The following FBXW7 variants were observed in gnomAD, a reference collection of about 807,000 sequenced individuals.
FBXW7 encodes the protein F-box and WD repeat domain containing 7, also known as F-box/WD repeat-containing protein 7.
FBXW7 carries 11 observed loss-of-function variants against 86.3 expected under a neutral mutation model. The ratio of observed to expected loss-of-function variants is 0.13; its 90% CI spans 0.08 to 0.21. The LOEUF (loss-of-function observed/expected upper bound fraction) is 0.21. FBXW7 is among the 10% of genes least tolerant of loss of function. FBXW7 has a pLI of 1.00. For missense variants in FBXW7, 488 were observed against 847.4 expected, an observed-to-expected ratio of 0.58 and a Z score of 5.27; for synonymous variants, 313 against 297.9, an observed-to-expected ratio of 1.05 and a Z score of -0.52.
intron 4 of FBXW7, among the ~76,000 whole-genome samples, chr4:152,406,219 C>T (rs182443862): frequency 2.0e-5 from 3 of 152,254 alleles, no homozygotes; most frequent in Admixed American, 1.3e-4. Flanking sequence ...AAGAACTAAT[C>T]AATGGAATGC....
intron 2 of FBXW7, among the ~76,000 whole-genome samples, chr4:152,473,425 T>C (rs1214556465): frequency 6.6e-6 from 1 of 152,224 alleles, no homozygotes; most frequent in African/African-American, 2.4e-5. Context: ...TACTCGGCCC[T>C]GTTGCTTAGA....
Position 152,356,566 on chromosome 4 carries a change from C to G in FBXW7, c.502-6442G>C, listed in dbSNP as rs536210408. Among the ~76,000 whole-genome samples, 20 of 152,200 alleles carry G rather than the reference C, an allele frequency of 1.3e-4. No individual in the cohort carries two copies. In the South Asian group the frequency reaches 1.7e-3, roughly 13 times the overall value. On this transcript the variant is annotated intron_variant, in intron 4 of 13. Coordinates refer to ENST00000281708, the MANE Select transcript of FBXW7 (RefSeq NM_001349798.2). ...AAACCACCACAGTTAGCTGTCTTGC[C>G]CTGAGCACAGAATTTAGATTACAGA...
At chr4:152,323,629 CT>C (rs751400863) in intron 13 of FBXW7, 81 of 175,250 alleles carry the variant, frequency 4.6e-4, no homozygotes, top group Middle Eastern at 2.8e-3. Context: ...GAAAAAAACA[CT>C]TTCTAAGGGC....
chr4:152,494,899 T>A (rs936176224), intron 2 of FBXW7, among the ~76,000 whole-genome samples: 1 of 152,208 alleles, frequency 6.6e-6, no homozygotes, highest in African/African-American at 2.4e-5. Flanking sequence ...CTAATATTGA[T>A]GAAGAAACAA....
chr4:152,414,762 G>C (rs1738279084), intron 2 of FBXW7, among the ~76,000 whole-genome samples: 2 of 152,018 alleles, frequency 1.3e-5, no homozygotes, highest in Admixed American at 1.3e-4. Flanking sequence ...GTCCAGAGAG[G>C]TCCTGACCTA....
intron 7 of FBXW7, among the ~76,000 whole-genome samples, chr4:152,333,245 C>T (rs1354232759): frequency 1.3e-5 from 2 of 152,006 alleles, no homozygotes; most frequent in African/African-American, 4.8e-5. Flanking sequence ...ACATCCTTGA[C>T]TGTAAATGAC....
At chr4:152,458,509 T>A (rs545837304) in intron 2 of FBXW7, among the ~76,000 whole-genome samples, 1 of 152,344 alleles carries the variant, frequency 6.6e-6, no homozygotes, top group South Asian at 2.1e-4. Context: ...ATATACATCA[T>A]CCAGCATTAT....
At chr4:152,490,257 G>A (rs1198355269) in intron 2 of FBXW7, among the ~76,000 whole-genome samples, 1 of 152,014 alleles carries the variant, frequency 6.6e-6, no homozygotes, top group Non-Finnish European at 1.5e-5. Context: ...GAGATGGATG[G>A]TTGCAAAATA....
chr4:152,530,766 C>T (rs1433201625), intron 2 of FBXW7: 1 of 152,144 alleles, frequency 6.6e-6, no homozygotes, highest in African/African-American at 2.4e-5. Context: ...TTGTCTATAC[C>T]AGGAGTCCAA....
chr4:152,371,711 C>T (rs1018089295), intron 4 of FBXW7, among the ~76,000 whole-genome samples: 3 of 151,902 alleles, frequency 2.0e-5, no homozygotes, highest in Admixed American at 6.6e-5. Context: ...TTCTCAGGAC[C>T]GCTAAAATGT....
chr4:152,377,135 GTA>G (rs1302651013), intron 4 of FBXW7, among the ~76,000 whole-genome samples: 1 of 151,966 alleles, frequency 6.6e-6, no homozygotes, highest in Non-Finnish European at 1.5e-5. Flanking sequence ...GAAAAAAAAT[GTA>G]TATGTTACAA....
chr4:152,382,112 A>G lies in FBXW7; in HGVS notation c.501+29191T>C, dbSNP rs572037283. ...AATTTTAAATAAAAACTGAAATTTG[A>G]GGCATCTTTTCACTAAAAGAGGCCA... On this transcript the variant is annotated intron_variant, in intron 4 of 13. Transcript: ENST00000281708. 28 of 981,162 alleles carry G rather than the reference A, an allele frequency of 2.9e-5. No homozygotes were observed. In the African/African-American group the frequency reaches 4.5e-4, roughly 16 times the overall value. The allele number at this position is 981,162 out of a possible 1,614,324, so 60.8% of individuals were successfully genotyped here. A position where few individuals can be genotyped will look rare whatever the true frequency, so the allele number is the denominator to read the frequency against.
rs1449046412 is a variant in FBXW7 at position 152,328,318 on chromosome 4, A to G, written c.1308T>C (p.Ser436=). The change falls in exon 11 of 14, where the codon AGT becomes AGC. Residue 436 remains serine, a synonymous_variant. Coordinates refer to ENST00000281708, the MANE Select transcript of FBXW7 (RefSeq NM_001349798.2). ...CTTTGAGTGTCCGATCTGTAGATCC[A>G]CTAATGATGATGTTGTCTCTCATTT... is the stretch of plus-strand genomic sequence containing the variant. The part of the protein sequence containing the change: ...SSQMRDNIII[S]GSTDRTLKVW... 4 of 1,596,190 alleles carry G rather than the reference A, an allele frequency of 2.5e-6. No individual in the cohort carries two copies. Among genetic ancestry groups the G allele is most frequent in the Admixed American group, 1.8e-5 (1 of 56,956 alleles).
At chr4:152,397,456 C>T (rs1051591107) in intron 4 of FBXW7, among the ~76,000 whole-genome samples, 2 of 151,626 alleles carry the variant, frequency 1.3e-5, no homozygotes, top group African/African-American at 4.8e-5. Flanking sequence ...ACTCTGTCAC[C>T]GAGGCTAGAG....
intron 4 of FBXW7, among the ~76,000 whole-genome samples, chr4:152,383,890 A>G (rs1413331364): frequency 6.6e-6 from 1 of 152,184 alleles, no homozygotes; most frequent in Non-Finnish European, 1.5e-5. Flanking sequence ...GATTTCTCCA[A>G]AGATATGTAA....
At chr4:152,524,853 G>A (rs1392971272) in intron 2 of FBXW7, among the ~76,000 whole-genome samples, 1 of 152,122 alleles carries the variant, frequency 6.6e-6, no homozygotes, top group Non-Finnish European at 1.5e-5. Context: ...ATAACACTCA[G>A]TAGAAAAAGG....
At chr4:152,495,337 A>T (rs1363370463) in intron 2 of FBXW7, among the ~76,000 whole-genome samples, 1 of 152,148 alleles carries the variant, frequency 6.6e-6, no homozygotes, top group East Asian at 1.9e-4. Flanking sequence ...ACTACTCAGG[A>T]GGCTGAGGCA....
intron 4 of FBXW7, among the ~76,000 whole-genome samples, chr4:152,362,494 C>G (rs959903304): frequency 1.3e-5 from 2 of 151,978 alleles, no homozygotes; most frequent in Non-Finnish European, 2.9e-5. Context: ...GTCATTCCAA[C>G]AACAGACAAC....
chr4:152,322,908 C>T lies in FBXW7; in HGVS notation c.2097G>A (p.Val699=), dbSNP rs753841251. 1.8e-5 allele frequency: 29 copies of T among 1,613,622 alleles called. No homozygotes were observed. The East Asian group carries it at 6.5e-4, about 36-fold the overall frequency. ...RNGTEETKLL[V]LDFDVDMK ...ACTTCATGTCCACATCAAAGTCCAG[C>T]ACCAGCAGCTTGGTTTCTTCAGTCC... Residue 699 remains valine (V), a synonymous_variant, in exon 14 of 14, where the codon GTG becomes GTA. Transcript: ENST00000281708.
Sources: gnomAD v4.1 joint callset for allele counts (sites outside exome capture counted in the v4.1 genomes callset) on GRCh38, gnomAD v4.1.1 for gene constraint, MANE v1.5 for transcripts, NCBI Gene and HGNC (gene_info 2026-07-23, HGNC 2026-07-21) for gene names.